FOXN3: variants seen among roughly 807,000 people sequenced by gnomAD.
FOXN3 encodes the protein forkhead box protein N3.
In FOXN3, 7 loss-of-function variants were observed where a neutral mutation model predicts 38.4. The ratio of observed to expected loss-of-function variants is 0.18; its 90% CI spans 0.10 to 0.34. The LOEUF (loss-of-function observed/expected upper bound fraction) is 0.34, where lower values mean the gene tolerates loss of function less well. FOXN3 is among the 10% of genes least tolerant of loss of function. FOXN3 has a pLI of 1.00. For missense variants in FOXN3, 456 were observed against 613.4 expected, an observed-to-expected ratio of 0.74 and a Z score of 2.71; for synonymous variants, 230 against 242.2, an observed-to-expected ratio of 0.95 and a Z score of 0.47.
upstream of FOXN3, among the ~76,000 whole-genome samples, chr14:89,420,683 G>A (rs1182066614): frequency 6.6e-6 from 1 of 152,176 alleles, no homozygotes; most frequent in African/African-American, 2.4e-5. Context: ...TGCCTACCAA[G>A]TGCATGGCAT....
intron 1 of FOXN3, among the ~76,000 whole-genome samples, chr14:89,499,343 T>C (rs563605655): frequency 3.3e-4 from 51 of 152,282 alleles, no homozygotes; most frequent in African/African-American, 1.2e-3. Context: ...AGCACTGAAG[T>C]GCCGACTTTT....
rs1887042318 is a variant in FOXN3, at chr14:89,159,137, GA to G, written c.*3276del. 6.6e-6 allele frequency: 1 copy of G among 152,644 alleles called. No individual in the cohort carries two copies. The highest frequency in any genetic ancestry group is 1.5e-5 in the Non-Finnish European group (1 of 68,036). The allele number at this position is 152,644 out of a possible 1,614,324, so 9.5% of individuals were successfully genotyped here. On this transcript the variant is annotated 3_prime_UTR_variant, in exon 6 of 6. Transcript: ENST00000557258. ...ATTCTCTACTGCTCTTGGAGGAGGG[GA>G]TAAGAGAGGGTGCCTCCTGCCCCTT...
intron 1 of FOXN3, among the ~76,000 whole-genome samples, chr14:89,584,642 C>T (rs12890105): frequency 0.21 from 32,091 of 152,016 alleles, 4,084 homozygotes; most frequent in East Asian, 0.43. Flanking sequence ...AATATATTTT[C>T]AGGTACTTAT....
At chr14:89,334,735 G>A (rs34165992) in intron 3 of FOXN3, among the ~76,000 whole-genome samples, 75,446 of 151,910 alleles carry the variant, frequency 0.5, 20,244 homozygotes, top group Admixed American at 0.59. Flanking sequence ...GTTTTGTTTT[G>A]TTTTGTTCTT....
At chr14:89,439,299 C>A (rs1455815794) in intron 1 of FOXN3, among the ~76,000 whole-genome samples, 1 of 152,174 alleles carries the variant, frequency 6.6e-6, no homozygotes, top group Non-Finnish European at 1.5e-5. Flanking sequence ...TACTGAGCGG[C>A]ATTCCCAGAT....
chr14:89,437,798 C>T (rs893454228), intron 1 of FOXN3, among the ~76,000 whole-genome samples: 1 of 152,212 alleles, frequency 6.6e-6, no homozygotes, highest in Non-Finnish European at 1.5e-5. Flanking sequence ...GCTGCTTTCA[C>T]ATTACTGTAG....
At chr14:89,237,361 G>A (rs1446566011) in intron 4 of FOXN3, among the ~76,000 whole-genome samples, 1 of 152,162 alleles carries the variant, frequency 6.6e-6, no homozygotes, top group East Asian at 1.9e-4. Flanking sequence ...GCAGAGAAAT[G>A]GGATCACTCA....
chr14:89,433,919 A>G (rs1892218344), intron 1 of FOXN3, among the ~76,000 whole-genome samples: 1 of 121,192 alleles, frequency 8.3e-6, no homozygotes, highest in African/African-American at 3.2e-5. Flanking sequence ...TGCTTTTATC[A>G]GAATTTTTTT....
At chr14:89,483,122 G>A (rs1169403507) in intron 1 of FOXN3, among the ~76,000 whole-genome samples, 3 of 152,070 alleles carry the variant, frequency 2.0e-5, no homozygotes, top group Non-Finnish European at 2.9e-5. Context: ...CAGGAGAATC[G>A]CTTGAACCCA....
chr14:89,574,877 T>TA (rs112313865), intron 1 of FOXN3, among the ~76,000 whole-genome samples: 4,556 of 150,694 alleles, frequency 0.03, 241 homozygotes, highest in African/African-American at 0.1. Context: ...TTTACAGCTT[T>TA]AAAAAAAAAA....
chr14:89,472,435 T>A (rs1286394833), intron 1 of FOXN3, among the ~76,000 whole-genome samples: 7 of 151,958 alleles, frequency 4.6e-5, no homozygotes, highest in African/African-American at 7.2e-5. Context: ...AGATAGATTG[T>A]GCAGGCCGGG....
chr14:89,523,686 C>G (rs1287320), intron 1 of FOXN3, among the ~76,000 whole-genome samples: 40,805 of 152,102 alleles, frequency 0.27, 6,366 homozygotes, highest in Non-Finnish European at 0.35. Context: ...GTGTGGAACA[C>G]TGCTAAAGCA....
intron 3 of FOXN3, among the ~76,000 whole-genome samples, chr14:89,339,209 G>A (rs1888546724): frequency 6.6e-6 from 1 of 152,128 alleles, no homozygotes; most frequent in Non-Finnish European, 1.5e-5. Flanking sequence ...CCTGACCTCA[G>A]GTGATCTGCC....
intron 3 of FOXN3, among the ~76,000 whole-genome samples, chr14:89,325,314 GACCACCACCACCACC>G (rs774094314): frequency 5.4e-4 from 55 of 101,748 alleles, no homozygotes; most frequent in African/African-American, 1.6e-3. Flanking sequence ...CCACCACCAC[GACCACCACCACCACC>G]ACCACCACCA....
chr14:89,326,053 T>C (rs1311122944), intron 3 of FOXN3, among the ~76,000 whole-genome samples: 1 of 152,214 alleles, frequency 6.6e-6, no homozygotes, highest in East Asian at 1.9e-4. Context: ...CTTTTATCAA[T>C]GATGTAAAGC....
intron 4 of FOXN3, among the ~76,000 whole-genome samples, chr14:89,218,840 T>C (rs1032487853): frequency 6.6e-6 from 1 of 152,210 alleles, no homozygotes; most frequent in African/African-American, 2.4e-5. Flanking sequence ...GTCACCATTA[T>C]GACCCTACTT....
chr14:89,323,301 A>G (rs199520680), intron 3 of FOXN3, among the ~76,000 whole-genome samples: 111 of 142,976 alleles, frequency 7.8e-4, no homozygotes, highest in Middle Eastern at 3.7e-3. Context: ...AAAAAAAAAA[A>G]AAAGAAAGAA....
At chr14:89,173,378 A>C (rs555361032) in intron 5 of FOXN3, among the ~76,000 whole-genome samples, 1 of 152,262 alleles carries the variant, frequency 6.6e-6, no homozygotes, top group Non-Finnish European at 1.5e-5. Context: ...ATTGGAAACA[A>C]GCACTTTACA....
chr14:89,564,582 C>T (rs1342885590), intron 1 of FOXN3, among the ~76,000 whole-genome samples: 1 of 152,102 alleles, frequency 6.6e-6, no homozygotes, highest in Non-Finnish European at 1.5e-5. Context: ...AATGATTCAC[C>T]GCAGTTTAAA....
Sources: gnomAD v4.1 joint callset for allele counts (sites outside exome capture counted in the v4.1 genomes callset) on GRCh38, gnomAD v4.1.1 for gene constraint, MANE v1.5 for transcripts, NCBI Gene and HGNC (gene_info 2026-07-23, HGNC 2026-07-21) for gene names.